The following PARD3B variants were observed in gnomAD, a reference collection of about 807,000 sequenced individuals.
PARD3B encodes the protein par-3 family cell polarity regulator beta, also known as partitioning defective 3 homolog B.
Under a neutral mutation model 130.2 loss-of-function variants are expected in PARD3B, and 103 were observed. The observed-to-expected ratio is 0.79, with a 90% CI of 0.67 to 0.93. The LOEUF is 0.93. Among genes scored for constraint, PARD3B ranks in the 40% least tolerant of loss-of-function variants. The pLI is 0.00. For missense variants in PARD3B, 1,609 were observed against 1,499.2 expected (o/e 1.07, Z -1.21); for synonymous variants, 583 against 553.2 (o/e 1.05, Z -0.76).
At chr2:205,130,323 G>A (rs770215856) in intron 10 of PARD3B, among the ~76,000 whole-genome samples, 10 of 152,150 alleles carry the variant, frequency 6.6e-5, no homozygotes, top group Non-Finnish European at 1.2e-4. Flanking sequence ...GGTGGTTTGC[G>A]TGGTCAGTTC....
intron 2 of PARD3B, among the ~76,000 whole-genome samples, chr2:204,945,557 A>AAGTG (rs1468255469): frequency 6.6e-6 from 1 of 152,286 alleles, no homozygotes; most frequent in East Asian, 1.9e-4. Context: ...AGCTACAAGG[A>AAGTG]AGTGAGCCAA....
At chr2:205,113,820 T>C (rs1403422172) in intron 6 of PARD3B, among the ~76,000 whole-genome samples, 1 of 152,176 alleles carries the variant, frequency 6.6e-6, no homozygotes, top group Non-Finnish European at 1.5e-5. Context: ...AAATACTTTC[T>C]TAAAGTATCC....
intron 22 of PARD3B, among the ~76,000 whole-genome samples, chr2:205,573,345 AGGCTGGAACAACTGGGT>A (rs2053626258): frequency 6.6e-6 from 1 of 152,128 alleles, no homozygotes; most frequent in African/African-American, 2.4e-5. Flanking sequence ...CTCTGGAGCC[AGGCTGGAACAACTGGGT>A]GGCTGGAGGT....
At chr2:204,647,304 T>G (rs897999208) in intron 1 of PARD3B, among the ~76,000 whole-genome samples, 3 of 150,910 alleles carry the variant, frequency 2.0e-5, no homozygotes, top group Admixed American at 6.6e-5. Flanking sequence ...TTCATTTTTG[T>G]TTTTTGAGGC....
chr2:205,055,354 A>G (rs756453750), intron 4 of PARD3B, among the ~76,000 whole-genome samples: 50 of 152,198 alleles, frequency 3.3e-4, no homozygotes, highest in South Asian at 6.2e-4. Context: ...GAAGAAAATA[A>G]AAATACTTCT....
At chr2:204,570,795 T>C (rs528613088) in intron 1 of PARD3B, among the ~76,000 whole-genome samples, 13 of 149,082 alleles carry the variant, frequency 8.7e-5, no homozygotes, top group Admixed American at 2.0e-4. Context: ...TAAGCTGTTG[T>C]AACTGAGGTG....
intron 20 of PARD3B, among the ~76,000 whole-genome samples, chr2:205,494,799 A>C (rs1264447343): frequency 6.6e-6 from 1 of 152,160 alleles, no homozygotes; most frequent in Non-Finnish European, 1.5e-5. Context: ...TGGGAGTCAC[A>C]CAAATCCTGG....
chr2:205,544,356 G>A (rs1258021126), intron 21 of PARD3B, among the ~76,000 whole-genome samples: 1 of 151,990 alleles, frequency 6.6e-6, no homozygotes, highest in Non-Finnish European at 1.5e-5. Flanking sequence ...ATGGGGGATA[G>A]GAAATGAGGA....
chr2:205,089,226 G>A (rs1045637766), intron 4 of PARD3B, among the ~76,000 whole-genome samples: 1 of 147,250 alleles, frequency 6.8e-6, no homozygotes, highest in Non-Finnish European at 1.5e-5. Context: ...GCTGGAGTGC[G>A]ATGGCATGAT....
At chr2:205,426,363 G>T (rs1377497312) in intron 19 of PARD3B, among the ~76,000 whole-genome samples, 1 of 152,124 alleles carries the variant, frequency 6.6e-6, no homozygotes. Context: ...AAGAAACTGA[G>T]CCTGTTCTCT....
intron 16 of PARD3B, among the ~76,000 whole-genome samples, chr2:205,279,300 C>T (rs1049230293): frequency 6.6e-6 from 1 of 152,038 alleles, no homozygotes; most frequent in African/African-American, 2.4e-5. Flanking sequence ...GACACTATAG[C>T]CTCTATCACC....
chr2:205,087,969 A>G (rs367810426), intron 4 of PARD3B, among the ~76,000 whole-genome samples: 20 of 152,324 alleles, frequency 1.3e-4, no homozygotes, highest in African/African-American at 4.3e-4. Flanking sequence ...TCATAAGGAC[A>G]TCAGAGTTAA....
At chr2:205,376,547 G>A (rs35550118) in intron 18 of PARD3B, among the ~76,000 whole-genome samples, 1 of 151,956 alleles carries the variant, frequency 6.6e-6, no homozygotes, top group African/African-American at 2.4e-5. Flanking sequence ...GCTTTAGTCT[G>A]CTGGTTTCTG....
At chr2:205,262,627 A>G (rs916467128) in intron 16 of PARD3B, among the ~76,000 whole-genome samples, 1 of 152,118 alleles carries the variant, frequency 6.6e-6, no homozygotes, top group Non-Finnish European at 1.5e-5. Flanking sequence ...TTGTTACTTG[A>G]GTGTTAAAAG....
At chr2:205,499,108 A>G (rs958880716) in intron 20 of PARD3B, among the ~76,000 whole-genome samples, 2 of 152,150 alleles carry the variant, frequency 1.3e-5, no homozygotes, top group African/African-American at 4.8e-5. Context: ...TTTGCTCCCT[A>G]GCCCTGTATA....
At chr2:204,825,140 G>A (rs1309587568) in intron 2 of PARD3B, among the ~76,000 whole-genome samples, 1 of 152,220 alleles carries the variant, frequency 6.6e-6, no homozygotes, top group Non-Finnish European at 1.5e-5. Context: ...ATGGGTCAGA[G>A]TTCTACTGTC....
chr2:205,254,378 G>A (rs958234900), intron 16 of PARD3B, among the ~76,000 whole-genome samples: 5 of 152,068 alleles, frequency 3.3e-5, no homozygotes, highest in African/African-American at 7.2e-5. Context: ...GTTGAATAAT[G>A]TATGTCAAGC....
At chr2:204,883,517 C>T (rs1268217506) in intron 2 of PARD3B, among the ~76,000 whole-genome samples, 1 of 141,898 alleles carries the variant, frequency 7.0e-6, no homozygotes, top group African/African-American at 2.7e-5. Context: ...GGCCCAATCT[C>T]GCTCGCTGCA....
intron 2 of PARD3B, among the ~76,000 whole-genome samples, chr2:204,737,876 G>T (rs981477334): frequency 2.0e-5 from 3 of 152,078 alleles, no homozygotes; most frequent in African/African-American, 7.2e-5. Flanking sequence ...TCAGTTGGCT[G>T]TACATATTTG....
Sources: allele counts gnomAD v4.1 joint callset (sites outside exome capture counted in the v4.1 genomes callset), GRCh38; gene constraint gnomAD v4.1.1; transcripts MANE v1.5; gene names NCBI Gene and HGNC (gene_info 2026-07-23, HGNC 2026-07-21).